Variants in COPG2 observed in about 807,000 individuals in gnomAD.
COPG2 encodes coatomer subunit gamma-2.
In COPG2, 37 loss-of-function variants were observed where a neutral mutation model predicts 46.3. The observed-to-expected ratio is 0.80, with a 90% CI of 0.61 to 1.05. The LOEUF is 1.05. Ranked by LOEUF, COPG2 falls within the 50% of genes least tolerant of loss-of-function variation. The pLI, the probability that COPG2 is intolerant of heterozygous loss-of-function variation, is 0.00. For missense variants in COPG2, 427 were observed against 387.8 expected (o/e 1.10, Z -0.85); for synonymous variants, 159 against 129.7 (o/e 1.23, Z -1.53).
chr7:130,518,801 C>T (rs1228270763), intron 20 of COPG2, among the ~76,000 whole-genome samples: 1 of 151,914 alleles, frequency 6.6e-6, no homozygotes, highest in East Asian at 1.9e-4. Flanking sequence ...GTCAGGAGTT[C>T]GAGACCAGCC....
intron 20 of COPG2, among the ~76,000 whole-genome samples, chr7:130,531,617 T>G (rs1799826184): frequency 6.6e-6 from 1 of 152,088 alleles, no homozygotes; most frequent in Admixed American, 6.5e-5. Context: ...CTATGTTGTA[T>G]TTCAGAGAGA....
intron 9 of COPG2, 177 bp from the exon 10 acceptor site, chr7:130,564,570 T>C (rs930186807): frequency 5.1e-6 from 2 of 392,818 alleles, no homozygotes; most frequent in Non-Finnish European, 9.0e-6. Flanking sequence ...AAATCAACTT[T>C]TGCAGAACTC....
intron 20 of COPG2, among the ~76,000 whole-genome samples, chr7:130,543,208 A>C (rs910640079): frequency 2.0e-5 from 3 of 152,190 alleles, no homozygotes; most frequent in African/African-American, 7.2e-5. Flanking sequence ...TGTGGTCTCC[A>C]ACAAAATTAG....
At chr7:130,524,797 C>T (rs1316703347) in intron 20 of COPG2, among the ~76,000 whole-genome samples, 2 of 152,148 alleles carry the variant, frequency 1.3e-5, no homozygotes, top group South Asian at 2.1e-4. Flanking sequence ...CAGGGGACCA[C>T]GTGTCAATGA....
chr7:130,533,523 T>C (rs1375530554), intron 20 of COPG2, among the ~76,000 whole-genome samples: 2 of 151,392 alleles, frequency 1.3e-5, no homozygotes, highest in Admixed American at 1.3e-4. Context: ...AATGTATCAG[T>C]GAGGGAGAAG....
At chr7:130,636,662 T>C (rs1795345167) in intron 5 of COPG2, among the ~76,000 whole-genome samples, 1 of 151,936 alleles carries the variant, frequency 6.6e-6, no homozygotes, top group South Asian at 2.1e-4. Context: ...CCAATGGATC[T>C]TGACTCCTTA....
At chr7:130,587,304 C>G (rs1301194803) in intron 9 of COPG2, among the ~76,000 whole-genome samples, 3 of 151,508 alleles carry the variant, frequency 2.0e-5, no homozygotes. Flanking sequence ...GAGACTCCAT[C>G]TCAAAAAAAA....
chr7:130,528,068 A>G (rs1799790549), intron 20 of COPG2, among the ~76,000 whole-genome samples: 1 of 151,880 alleles, frequency 6.6e-6, no homozygotes, highest in Non-Finnish European at 1.5e-5. Context: ...ATCGGTGCTA[A>G]GGAGGGAGGA....
intron 20 of COPG2, among the ~76,000 whole-genome samples, chr7:130,510,735 T>C (rs1405551214): frequency 1.3e-5 from 2 of 152,158 alleles, no homozygotes; most frequent in African/African-American, 4.8e-5. Context: ...GGAATTTTTT[T>C]ACTTAAATGG....
chr7:130,614,579 T>A (rs1794914437), intron 6 of COPG2, among the ~76,000 whole-genome samples: 1 of 152,174 alleles, frequency 6.6e-6, no homozygotes, highest in Non-Finnish European at 1.5e-5. Context: ...TCCCTCCAGA[T>A]ATAATGAACT....
chr7:130,603,702 C>G (rs1333748561), intron 9 of COPG2: 1 of 340,820 alleles, frequency 2.9e-6, no homozygotes, highest in Non-Finnish European at 5.4e-6. Flanking sequence ...GCCTGGGCAA[C>G]AGGAGCAAAA....
intron 5 of COPG2, among the ~76,000 whole-genome samples, chr7:130,636,537 G>GTT (rs1795340336): frequency 9.5e-5 from 8 of 84,208 alleles, no homozygotes; most frequent in African/African-American, 3.1e-4. Context: ...GATTGCAACC[G>GTT]GTTTTTTTTT....
At position 130,600,776 on chromosome 7, in the gene COPG2, T is replaced by C. The variant is rs550342014; in HGVS notation, c.737+10177A>G. ...TACCCAATCTGAGCCTCTTTTAATA[T>C]GTAAATTCAATTACATTCATTATGA... On this transcript the variant is annotated intron_variant, in intron 9 of 23. Transcript: ENST00000425248. Among the ~76,000 whole-genome samples, 3 of 152,228 alleles carry C rather than the reference T, an allele frequency of 2.0e-5. No individual in the cohort carries two copies. In the South Asian group the frequency reaches 6.2e-4, roughly 31 times the overall value.
In COPG2 at chr7:130,594,882, G is replaced by A. The variant is rs369081983; in HGVS notation, c.737+16071C>T. On this transcript the variant is annotated intron_variant, in intron 9 of 23. Transcript: ENST00000425248. Reference sequence around the variant, plus strand: ...GACAATGACAAGTGTTGGTGAGGATGTGGAGAAATTGGGCTCTCAAACACT... The same window carrying A: ...GACAATGACAAGTGTTGGTGAGGATATGGAGAAATTGGGCTCTCAAACACT... Among the ~76,000 whole-genome samples, 6 of 152,324 alleles carry A rather than the reference G, an allele frequency of 3.9e-5. No individual in the cohort carries two copies. In the East Asian group the frequency reaches 1.2e-3, roughly 29 times the overall value.
chr7:130,559,535 T>C (rs1380927923), intron 12 of COPG2, among the ~76,000 whole-genome samples: 2 of 152,196 alleles, frequency 1.3e-5, no homozygotes, highest in Admixed American at 1.3e-4. Context: ...ACTGACTATG[T>C]GTCCAGATCC....
At chr7:130,527,428 G>A (rs1799784572) in intron 20 of COPG2, among the ~76,000 whole-genome samples, 2 of 136,212 alleles carry the variant, frequency 1.5e-5, no homozygotes, top group Non-Finnish European at 3.1e-5. Context: ...GAGTCAAGGT[G>A]GCTGTCCACA....
At chr7:130,621,515 A>G (rs1795037787) in intron 5 of COPG2, among the ~76,000 whole-genome samples, 1 of 152,222 alleles carries the variant, frequency 6.6e-6, no homozygotes, top group Non-Finnish European at 1.5e-5. Flanking sequence ...TGTTCCAACA[A>G]AACTTTATTT....
At chr7:130,612,400 T>A (rs1168895494) in intron 7 of COPG2, among the ~76,000 whole-genome samples, 162 bp from the exon 8 acceptor site, 1 of 152,220 alleles carries the variant, frequency 6.6e-6, no homozygotes, top group Non-Finnish European at 1.5e-5. Flanking sequence ...GAGCAACTGA[T>A]AAACCAGAAG....
intron 20 of COPG2, among the ~76,000 whole-genome samples, chr7:130,513,308 A>AAAATATATATATATATAT (rs1236511164): frequency 1.8e-5 from 1 of 55,684 alleles, no homozygotes; most frequent in African/African-American, 9.5e-5. Context: ...AAAAAAAAAA[A>AAAATATATATATATATAT]ATATATATAT....
Sources: gnomAD v4.1 joint callset for allele counts (sites outside exome capture counted in the v4.1 genomes callset) on GRCh38, gnomAD v4.1.1 for gene constraint, MANE v1.5 for transcripts, NCBI Gene and HGNC (gene_info 2026-07-23, HGNC 2026-07-21) for gene names.